The following ZFHX3 variants were observed in gnomAD, a reference collection of about 807,000 sequenced individuals.
ZFHX3 encodes the protein zinc finger homeobox 3.
A neutral mutation model predicts 279.1 loss-of-function variants in ZFHX3; 42 were observed. That is an observed-to-expected ratio of 0.15 (90% CI 0.12 to 0.19). The LOEUF is 0.19. ZFHX3 is among the 10% of genes least tolerant of loss of function. The pLI, the probability that ZFHX3 is intolerant of heterozygous loss-of-function variation, is 1.00. For synonymous variants in ZFHX3, 2,293 were observed against 1,957.8 expected (o/e 1.17, Z -4.52); for missense variants, 4,981 against 4,754.0 (o/e 1.05, Z -1.40).
intron 7 of ZFHX3, among the ~76,000 whole-genome samples, chr16:73,114,635 C>T (rs778904813): frequency 5.9e-5 from 9 of 151,920 alleles, no homozygotes; most frequent in Non-Finnish European, 8.8e-5. Context: ...GCCATGACTG[C>T]GTCACTGCAC....
intron 3 of ZFHX3, among the ~76,000 whole-genome samples, chr16:72,928,478 G>C (rs1959611447): frequency 6.6e-6 from 1 of 151,990 alleles, no homozygotes; most frequent in Non-Finnish European, 1.5e-5. Flanking sequence ...TTCTCTGGCA[G>C]CACCCGGCTC....
intron 1 of ZFHX3, among the ~76,000 whole-genome samples, chr16:73,802,493 C>G (rs1228155191): frequency 1.3e-5 from 2 of 152,310 alleles, no homozygotes; most frequent in African/African-American, 4.8e-5. Flanking sequence ...GCAGAAGTAT[C>G]CCAGACACTG....
At chr16:72,789,475 G>T (rs1190975311) in intron 9 of ZFHX3, 1 of 152,310 alleles carries the variant, frequency 6.6e-6, no homozygotes, top group Non-Finnish European at 1.5e-5. Flanking sequence ...GGTCCCCAGA[G>T]AAGTTATCTG....
intron 1 of ZFHX3, among the ~76,000 whole-genome samples, chr16:73,790,468 C>T (rs11866186): frequency 0.018 from 2,759 of 152,318 alleles, 71 homozygotes; most frequent in African/African-American, 0.063. Flanking sequence ...ATGCTTATGA[C>T]TCAGCCACTG....
At chr16:73,720,171 T>C (rs1732549044) in intron 1 of ZFHX3, among the ~76,000 whole-genome samples, 1 of 152,236 alleles carries the variant, frequency 6.6e-6, no homozygotes, top group Non-Finnish European at 1.5e-5. Context: ...GTTTCATTAT[T>C]TAACGACAAT....
At chr16:73,165,708 T>C (rs897318065) in intron 5 of ZFHX3, among the ~76,000 whole-genome samples, 3 of 152,040 alleles carry the variant, frequency 2.0e-5, no homozygotes, top group African/African-American at 7.2e-5. Context: ...TGGGGTAGAG[T>C]ACGTGTTCCA....
At chr16:73,317,610 A>T (rs2015480931) in intron 4 of ZFHX3, among the ~76,000 whole-genome samples, 1 of 152,140 alleles carries the variant, frequency 6.6e-6, no homozygotes. Flanking sequence ...TGATTGCATC[A>T]CTGCTGGGGT....
chr16:73,643,149 CA>C (rs1597043294), intron 2 of ZFHX3, among the ~76,000 whole-genome samples: 4 of 152,246 alleles, frequency 2.6e-5, no homozygotes, highest in Admixed American at 2.0e-4. Context: ...ATATTTTAGG[CA>C]AAACAGTTTG....
chr16:73,627,656 C>G (rs549998160), intron 2 of ZFHX3, among the ~76,000 whole-genome samples: 1 of 152,202 alleles, frequency 6.6e-6, no homozygotes, highest in African/African-American at 2.4e-5. Context: ...CAGTGGCTCA[C>G]GCCTGTAATC....
chr16:73,883,504 C>G (rs1490627786), intron 1 of ZFHX3, among the ~76,000 whole-genome samples: 1 of 151,964 alleles, frequency 6.6e-6, no homozygotes, highest in African/African-American at 2.4e-5. Context: ...CCACATCAAT[C>G]AGTTGCTACA....
intron 2 of ZFHX3, among the ~76,000 whole-genome samples, chr16:73,621,570 C>G (rs1301781148): frequency 6.6e-6 from 1 of 152,136 alleles, no homozygotes; most frequent in Non-Finnish European, 1.5e-5. Flanking sequence ...TGGCTCCTGG[C>G]TAGCACAGCA....
At chr16:72,977,678 G>A (rs9934475) in intron 1 of ZFHX3, among the ~76,000 whole-genome samples, 53,916 of 151,008 alleles carry the variant, frequency 0.36, 10,222 homozygotes, top group Middle Eastern at 0.47. Context: ...GGGGACTCAG[G>A]GAAAAAAAAA....
intron 3 of ZFHX3, among the ~76,000 whole-genome samples, chr16:73,416,822 C>A (rs9931368): frequency 0.78 from 113,464 of 144,756 alleles, 45,495 homozygotes; most frequent in Middle Eastern, 0.87. Context: ...TGCAGTGAGC[C>A]GAGATCGCGC....
At chr16:73,358,019 C>T (rs1422949018) in intron 3 of ZFHX3, among the ~76,000 whole-genome samples, 1 of 152,238 alleles carries the variant, frequency 6.6e-6, no homozygotes, top group Non-Finnish European at 1.5e-5. Flanking sequence ...TGAATCAGCC[C>T]TGCTCCTTCC....
chr16:73,332,409 T>C (rs957401172), intron 3 of ZFHX3, among the ~76,000 whole-genome samples: 6 of 152,240 alleles, frequency 3.9e-5, no homozygotes, highest in African/African-American at 1.4e-4. Flanking sequence ...GATGTCAGGA[T>C]GCCCAACTTG....
intron 3 of ZFHX3, among the ~76,000 whole-genome samples, chr16:72,945,910 C>T (rs778034596): frequency 6.6e-6 from 1 of 152,110 alleles, no homozygotes; most frequent in Non-Finnish European, 1.5e-5. Flanking sequence ...CTAAGACCCC[C>T]ACTTCCCCCC....
intron 3 of ZFHX3, among the ~76,000 whole-genome samples, chr16:73,440,596 T>C (rs1003666668): frequency 1.6e-4 from 25 of 152,216 alleles, no homozygotes; most frequent in Non-Finnish European, 3.7e-4. Context: ...ATAGCTACTA[T>C]TGATTCACAG....
At chr16:73,571,532 T>A (rs1432809139) in intron 2 of ZFHX3, among the ~76,000 whole-genome samples, 2 of 152,222 alleles carry the variant, frequency 1.3e-5, no homozygotes, top group African/African-American at 4.8e-5. Context: ...TTCGGCTGAA[T>A]GCAAACTGCT....
chr16:73,835,458 CTTTTTTTTTT>C (rs34127285), intron 1 of ZFHX3, among the ~76,000 whole-genome samples: 104 of 49,524 alleles, frequency 2.1e-3, no homozygotes, highest in Non-Finnish European at 3.6e-3. Flanking sequence ...CCCTCTTCTG[CTTTTTTTTTT>C]TTTTTTTTTT....
Sources: allele counts gnomAD v4.1 joint callset (sites outside exome capture counted in the v4.1 genomes callset), GRCh38; gene constraint gnomAD v4.1.1; transcripts MANE v1.5; gene names NCBI Gene and HGNC (gene_info 2026-07-23, HGNC 2026-07-21).